Variants in SEMA3D observed in about 807,000 individuals in gnomAD.
The protein encoded by SEMA3D is semaphorin-3D.
Under a neutral mutation model 100.1 loss-of-function variants are expected in SEMA3D, and 84 were observed. That is an observed-to-expected ratio of 0.84 (90% CI 0.70 to 1.01). The LOEUF (loss-of-function observed/expected upper bound fraction) is 1.01, where lower values mean the gene tolerates loss of function less well. SEMA3D is among the 50% of genes least tolerant of loss of function. The pLI is 0.00. For missense variants in SEMA3D, 875 were observed against 934.1 expected (o/e 0.94, Z 0.82); for synonymous variants, 312 against 320.7 (o/e 0.97, Z 0.29).
intron 8 of SEMA3D, among the ~76,000 whole-genome samples, chr7:85,060,568 A>C (rs1333410789): frequency 6.6e-6 from 1 of 152,176 alleles, no homozygotes; most frequent in Non-Finnish European, 1.5e-5. Flanking sequence ...GCTTGAAATC[A>C]TGCATTTTCA....
At position 85,015,206 on chromosome 7, in the gene SEMA3D, T is replaced by C. The variant is rs763270669; in HGVS notation, c.1556A>G (p.Tyr519Cys). 1.2e-5 allele frequency: 19 copies of C among 1,606,716 alleles called. No individual in the cohort carries two copies. The highest frequency in any genetic ancestry group is 1.7e-5 in the Admixed American group (1 of 59,706). ...MELSLKQQQL[Y>C]IGSRDGLVQL... Reference sequence around the variant, plus strand: ...AACCAATCCATCTCGGGAACCAATGTACAATTGTTGCTGCAAATCGGGCAA... The same window carrying C: ...AACCAATCCATCTCGGGAACCAATGCACAATTGTTGCTGCAAATCGGGCAA... The change falls in exon 16 of 19, where the codon TAC becomes TGC. Residue 519 changes from tyrosine to cysteine, a missense_variant. By Grantham distance (194) the Tyr-to-Cys change is radical. Coordinates refer to ENST00000284136, the MANE Select transcript of SEMA3D (RefSeq NM_001384900.1).
intron 17 of SEMA3D, among the ~76,000 whole-genome samples, chr7:85,011,185 G>A (rs1433231011): frequency 6.6e-6 from 1 of 151,740 alleles, no homozygotes; most frequent in Non-Finnish European, 1.5e-5. Context: ...CAACTTATAT[G>A]AGGCCACATG....
the SEMA3D span, among the ~76,000 whole-genome samples, chr7:85,213,327 G>A: frequency 6.6e-6 from 1 of 152,010 alleles, no homozygotes; most frequent in African/African-American, 2.4e-5. Context: ...AATGCTAAAA[G>A]TACCTAAAAC....
At chr7:85,027,355 A>G (rs1265281620) in intron 12 of SEMA3D, among the ~76,000 whole-genome samples, 1 of 152,030 alleles carries the variant, frequency 6.6e-6, no homozygotes, top group Non-Finnish European at 1.5e-5. Context: ...TATAGCAAAA[A>G]GGGGGAACAA....
At chr7:85,082,021 C>A (rs1788078890) in intron 4 of SEMA3D, among the ~76,000 whole-genome samples, 1 of 152,158 alleles carries the variant, frequency 6.6e-6, no homozygotes, top group African/African-American at 2.4e-5. Flanking sequence ...AAGCCAAGGA[C>A]CAGTGTGAAT....
rs569399025 is a variant in SEMA3D at position 85,080,280 on chromosome 7, T to C, written c.375+1237A>G. On this transcript the variant is annotated intron_variant, in intron 5 of 18. Transcript: ENST00000284136. ...AGATATGATGAGTTTCATATACATA[T>C]TTAGGATCTCTAAAAATATTTTTTG... is the stretch of plus-strand genomic sequence containing the variant. Among the ~76,000 whole-genome samples, 5 of 152,298 alleles carry C rather than the reference T, an allele frequency of 3.3e-5. No individual in the cohort carries two copies. The South Asian group carries it at 6.2e-4, about 19-fold the overall frequency.
In SEMA3D at chr7:85,033,858, TACACACACACACACACAC is replaced by T. The variant is rs71082183; in HGVS notation, c.1191+3013_1191+3030del. Among the ~76,000 whole-genome samples the T allele has an allele frequency of 2.8e-5, 4 of 141,190 alleles. No individual in the cohort carries two copies. The Admixed American group carries it at 2.9e-4, about 10-fold the overall frequency. 92.6% of individuals were successfully genotyped at this position (141,190 alleles called of 152,430 possible). A position where few individuals can be genotyped will look rare whatever the true frequency, so the allele number is the denominator to read the frequency against. On this transcript the variant is annotated intron_variant, in intron 12 of 18. Coordinates refer to ENST00000284136, the MANE Select transcript of SEMA3D (RefSeq NM_001384900.1). ...GTTTTCCCAATTTTAATCACACACA[TACACACACACACACACAC>T]ACACACACACACACACAATCTCCCA...
At chr7:85,078,191 A>C (rs1040817654) in intron 5 of SEMA3D, among the ~76,000 whole-genome samples, 1 of 152,184 alleles carries the variant, frequency 6.6e-6, no homozygotes, top group Non-Finnish European at 1.5e-5. Context: ...GTATTTATAA[A>C]TGACTTGTTT....
the SEMA3D span, among the ~76,000 whole-genome samples, chr7:85,197,293 A>G: frequency 1.3e-5 from 2 of 152,164 alleles, no homozygotes; most frequent in African/African-American, 4.8e-5. Flanking sequence ...AACAGTTGGC[A>G]TCTATTGCCT....
chr7:85,117,338 G>T (rs1472954476), intron 3 of SEMA3D, among the ~76,000 whole-genome samples: 5 of 152,132 alleles, frequency 3.3e-5, no homozygotes, highest in Non-Finnish European at 5.9e-5. Context: ...CCAAATTCTT[G>T]ACCCAGAGAA....
At position 85,020,219 on chromosome 7, in the gene SEMA3D, G is replaced by A. The variant is rs752314173; in HGVS notation, c.1503+14C>T. 6.3e-7 allele frequency: 1 copy of A among 1,575,288 alleles called. No homozygotes were observed. Among genetic ancestry groups the A allele is most frequent in the South Asian group, 1.1e-5 (1 of 90,172 alleles). ...TCAACATCTTTTCTCCTGGCACTCT[G>A]GACTGAGTCTTACCTTGAATATCTG... is the stretch of plus-strand genomic sequence containing the variant. On this transcript the variant is annotated intron_variant, in intron 14 of 18. Coordinates refer to ENST00000284136, the MANE Select transcript of SEMA3D (RefSeq NM_001384900.1).
chr7:85,232,522 A>G, the SEMA3D span, among the ~76,000 whole-genome samples: 5 of 152,250 alleles, frequency 3.3e-5, no homozygotes, highest in South Asian at 2.1e-4. Flanking sequence ...CCTCCTGCAC[A>G]TGGACTGTGA....
chr7:85,121,886 A>G lies in SEMA3D; in HGVS notation c.6T>C (p.Asn2=). The G allele has an allele frequency of 6.4e-7, 1 of 1,565,678 alleles. No homozygotes were observed. The highest frequency in any genetic ancestry group is 8.7e-7 in the Non-Finnish European group (1 of 1,150,170). The change falls in exon 3 of 19, where the codon AAT becomes AAC. Residue 2 remains asparagine (N), a synonymous_variant. Transcript: ENST00000284136. ...CTTTAAGTCTTTCATCTTTATTAGC[A>G]TTCATGATGAAAACAATGTTCTCTT... M[N]ANKDERLKAR...
At position 85,022,623 on chromosome 7, in the gene SEMA3D, A is replaced by G; in HGVS notation, c.1192-10T>C. 1 of 1,572,270 alleles carries G rather than the reference A, an allele frequency of 6.4e-7. No individual in the cohort carries two copies. The highest frequency in any genetic ancestry group is 1.4e-5 in the African/African-American group (1 of 74,048). On this transcript the variant is annotated splice_polypyrimidine_tract_variant and intron_variant, in intron 12 of 18. Transcript: ENST00000284136. ...AGGTTTTGCTTGGACACTGAAAATA[A>G]ATGTGGAGGAAAGTAAAGACATTGT...
chr7:85,121,594 C>T (rs1789413685), intron 3 of SEMA3D, 147 bp downstream of exon 3: 1 of 519,154 alleles, frequency 1.9e-6, no homozygotes, highest in Non-Finnish European at 3.3e-6. Flanking sequence ...AGTAATTGGG[C>T]TTCGTGTTCT....
chr7:85,223,138 C>G, the SEMA3D span, among the ~76,000 whole-genome samples: 1 of 151,474 alleles, frequency 6.6e-6, no homozygotes, highest in East Asian at 1.9e-4. Flanking sequence ...AGAATGGCCA[C>G]AATTAAAAAA....
intron 12 of SEMA3D, chr7:85,027,861 G>T: frequency 1.8e-6 from 1 of 552,496 alleles, no homozygotes; most frequent in Non-Finnish European, 3.5e-6. Context: ...TATTGATCTT[G>T]GCACCACCTA....
intron 1 of SEMA3D, among the ~76,000 whole-genome samples, chr7:85,175,276 A>G (rs1791194887): frequency 1.3e-5 from 2 of 152,204 alleles, no homozygotes; most frequent in South Asian, 2.1e-4. Context: ...TAGTGACACA[A>G]CAAAAGAAGC....
chr7:85,010,978 A>G (rs911899407), intron 17 of SEMA3D, among the ~76,000 whole-genome samples: 1 of 151,796 alleles, frequency 6.6e-6, no homozygotes, highest in Non-Finnish European at 1.5e-5. Flanking sequence ...TCTGAAAGGT[A>G]AGAGGTTAAC....
Sources: allele counts gnomAD v4.1 joint callset (sites outside exome capture counted in the v4.1 genomes callset), GRCh38; gene constraint gnomAD v4.1.1; transcripts MANE v1.5; gene names NCBI Gene and HGNC (gene_info 2026-07-23, HGNC 2026-07-21).